Variants in USP28 observed in about 807,000 individuals in gnomAD.
USP28 encodes the protein ubiquitin carboxyl-terminal hydrolase 28.
In USP28, 113 loss-of-function variants were observed where a neutral mutation model predicts 145.0. That is an observed-to-expected ratio of 0.78 (90% CI 0.67 to 0.91). The LOEUF (loss-of-function observed/expected upper bound fraction) is 0.91. USP28 is among the 40% of genes least tolerant of loss of function. USP28 has a pLI of 0.00. For synonymous variants in USP28, 447 were observed against 450.9 expected (o/e 0.99, Z 0.11); for missense variants, 1,201 against 1,289.6 (o/e 0.93, Z 1.05).
chr11:113,820,611 T>G (rs973393641), intron 12 of USP28, among the ~76,000 whole-genome samples: 1 of 152,046 alleles, frequency 6.6e-6, no homozygotes, highest in Non-Finnish European at 1.5e-5. Context: ...ATGAAAGAGG[T>G]AAAAGACACA....
rs890491447 is a variant in USP28, at chr11:113,856,220, T to C, written c.58-1885A>G. 1.1e-4 allele frequency among the ~76,000 whole-genome samples: 16 copies of C among 152,342 alleles called. No homozygotes were observed. In the East Asian group the frequency reaches 2.7e-3, roughly 26 times the overall value. ...ACTGTATAAAAGCGGTATGAATCTATGTATCTCACACAAATCACACATAAT... is the reference window on the plus strand; with the variant it reads ...ACTGTATAAAAGCGGTATGAATCTACGTATCTCACACAAATCACACATAAT... On this transcript the variant is annotated intron_variant, in intron 1 of 24. Coordinates refer to ENST00000003302, the Ensembl canonical transcript of USP28.
chr11:113,826,647 C>T (rs1453881440), intron 11 of USP28, among the ~76,000 whole-genome samples: 3 of 151,798 alleles, frequency 2.0e-5, no homozygotes, highest in East Asian at 2.0e-4. Context: ...AGGCCGGGCG[C>T]GGTGGCTCAC....
At chr11:113,848,389 A>G (rs1946111813) in intron 3 of USP28, among the ~76,000 whole-genome samples, 1 of 152,190 alleles carries the variant, frequency 6.6e-6, no homozygotes, top group Non-Finnish European at 1.5e-5. Context: ...GAGGCAGGTT[A>G]ATCAAGATAA....
chr11:113,805,585 C>T (rs887839264), intron 19 of USP28, among the ~76,000 whole-genome samples: 1 of 152,154 alleles, frequency 6.6e-6, no homozygotes, highest in South Asian at 2.1e-4. Flanking sequence ...TCAGTTTTCT[C>T]ATAAAGTTCT....
intron 3 of USP28, among the ~76,000 whole-genome samples, chr11:113,842,959 G>A (rs1945369741): frequency 6.6e-6 from 1 of 152,062 alleles, no homozygotes. Context: ...TTTTGGGCAT[G>A]GTGGCTCACG....
intron 19 of USP28, among the ~76,000 whole-genome samples, chr11:113,805,981 T>A (rs1939883145): frequency 6.6e-6 from 1 of 152,098 alleles, no homozygotes; most frequent in South Asian, 2.1e-4. Context: ...CAGACTGGAA[T>A]GCAGTGGCAC....
intron 3 of USP28, 79 bp downstream of exon 3, chr11:113,852,422 G>T: frequency 1.3e-6 from 2 of 1,546,850 alleles, no homozygotes; most frequent in South Asian, 1.1e-5. Flanking sequence ...TGATGTGATT[G>T]ACAGGGAACT....
At chr11:113,807,005 T>A (rs910594732) in intron 18 of USP28, among the ~76,000 whole-genome samples, 1 of 152,132 alleles carries the variant, frequency 6.6e-6, no homozygotes, top group African/African-American at 2.4e-5. Context: ...GGATAAACAG[T>A]ACATTTAAAA....
chr11:113,833,452 T>C (rs374431788), exon 7 of USP28: 1 of 1,614,074 alleles, frequency 6.2e-7, no homozygotes, highest in African/African-American at 1.3e-5. Context: ...AATGCTCCCT[T>C]TAATAGATCC....
rs535678108 is a variant in USP28 at position 113,863,893 on chromosome 11, C to A, written c.58-9558G>T. Among the ~76,000 whole-genome samples the A allele has an allele frequency of 4.8e-3, 715 of 149,678 alleles. 10 individuals are homozygous for A. Among genetic ancestry groups the A allele is most frequent in the African/African-American group, 0.016 (629 of 40,542 alleles). On this transcript the variant is annotated intron_variant, in intron 1 of 24. Transcript: ENST00000003302. ...CCGGGAGGCGGAGCTTGCAGTGAGC[C>A]GAGATCGCGCCACTGCACTCCAGCC...
chr11:113,829,184 A>G lies in USP28; in HGVS notation c.1059+13T>C. ...TTTGTCACTGGCACAGCAAATAAAG[A>G]TCTCCAACGTACCTCTTGTCCATAC... is the stretch of plus-strand genomic sequence containing the variant. On this transcript the variant is annotated intron_variant, in intron 10 of 24. Transcript: ENST00000003302. 1 of 1,609,806 alleles carries G rather than the reference A, an allele frequency of 6.2e-7. No homozygotes were observed. The highest frequency in any genetic ancestry group is 8.5e-7 in the Non-Finnish European group (1 of 1,179,050).
chr11:113,869,263 T>C (rs2513569), intron 1 of USP28, among the ~76,000 whole-genome samples: 30,870 of 152,008 alleles, frequency 0.2, 3,371 homozygotes, highest in African/African-American at 0.28. Flanking sequence ...TGAAACCCCG[T>C]CTCTACTAAA....
intron 19 of USP28, among the ~76,000 whole-genome samples, chr11:113,805,748 A>T (rs1939838026): frequency 6.6e-6 from 1 of 152,202 alleles, no homozygotes; most frequent in African/African-American, 2.4e-5. Context: ...ACAAAGGCAC[A>T]ATCTAACTCA....
chr11:113,815,120 T>G (rs1261303041), intron 14 of USP28, 54 bp downstream of exon 14: 7 of 1,531,526 alleles, frequency 4.6e-6, no homozygotes, highest in Middle Eastern at 1.8e-4. Flanking sequence ...AACCTCCAAA[T>G]AGTCAAAAAA....
intron 1 of USP28, among the ~76,000 whole-genome samples, chr11:113,861,039 G>A (rs1024468435): frequency 6.6e-6 from 1 of 151,158 alleles, no homozygotes; most frequent in Non-Finnish European, 1.5e-5. Context: ...AACCTGGCGT[G>A]AACCTGGAGG....
At chr11:113,842,040 C>G (rs1004924071) in intron 3 of USP28, among the ~76,000 whole-genome samples, 1 of 152,154 alleles carries the variant, frequency 6.6e-6, no homozygotes, top group Non-Finnish European at 1.5e-5. Context: ...AAAAGTAGAT[C>G]CCATACATGT....
intron 12 of USP28, 61 bp from the exon 13 acceptor site, chr11:113,817,898 T>A: frequency 6.4e-7 from 1 of 1,558,816 alleles, no homozygotes; most frequent in Non-Finnish European, 8.8e-7. Flanking sequence ...TAAGAGTCGC[T>A]GACAAAAGAT....
At chr11:113,843,450 T>C (rs1945431964) in intron 3 of USP28, among the ~76,000 whole-genome samples, 1 of 152,004 alleles carries the variant, frequency 6.6e-6, no homozygotes, top group Non-Finnish European at 1.5e-5. Flanking sequence ...GGCAGGCAGA[T>C]CACCTGAGAT....
chr11:113,821,189 C>A, intron 12 of USP28: 1 of 222,498 alleles, frequency 4.5e-6, no homozygotes, highest in South Asian at 8.1e-5. Flanking sequence ...TCTTGAAGAG[C>A]ATGGCATTCA....
Sources: allele counts gnomAD v4.1 joint callset (sites outside exome capture counted in the v4.1 genomes callset), GRCh38; gene constraint gnomAD v4.1.1; transcripts MANE v1.5; gene names NCBI Gene and HGNC (gene_info 2026-07-23, HGNC 2026-07-21).